Variants in UBASH3A observed in about 807,000 individuals in gnomAD.
UBASH3A encodes the protein ubiquitin-associated and SH3 domain-containing protein A.
In UBASH3A, 63 loss-of-function variants were observed where a neutral mutation model predicts 73.5. That is an observed-to-expected ratio of 0.86 (90% CI 0.70 to 1.06). UBASH3A has a LOEUF of 1.06. Among genes scored for constraint, UBASH3A ranks in the 50% least tolerant of loss-of-function variants. UBASH3A has a pLI of 0.00. For synonymous variants in UBASH3A, 363 were observed against 351.1 expected, an observed-to-expected ratio of 1.03 and a Z score of -0.38; for missense variants, 860 against 859.0, an observed-to-expected ratio of 1.00 and a Z score of -0.02.
chr21:42,439,300 C>T (rs1014705048), intron 11 of UBASH3A, among the ~76,000 whole-genome samples: 10 of 152,188 alleles, frequency 6.6e-5, no homozygotes, highest in East Asian at 1.9e-4. Context: ...CACTTTCTGC[C>T]CACCTCAGTC....
chr21:42,432,832 C>A (rs2053559244), intron 9 of UBASH3A, among the ~76,000 whole-genome samples: 1 of 152,180 alleles, frequency 6.6e-6, no homozygotes, highest in Non-Finnish European at 1.5e-5. Context: ...ACATCATGAT[C>A]AAGCATATTT....
At chr21:42,410,316 C>T in intron 3 of UBASH3A, 1 of 603,348 alleles carries the variant, frequency 1.7e-6, no homozygotes. Context: ...GAAGGGCACA[C>T]CCACTTCTGC....
At chr21:42,435,124 G>A (rs2053603034) in intron 10 of UBASH3A, 170 bp downstream of exon 10, 3 of 720,754 alleles carry the variant, frequency 4.2e-6, no homozygotes, top group African/African-American at 1.8e-5. Context: ...CTTGCCCAAG[G>A]TCACACAGCA....
intron 6 of UBASH3A, 150 bp downstream of exon 6, chr21:42,416,761 G>C: frequency 1.2e-6 from 1 of 805,478 alleles, no homozygotes; most frequent in Non-Finnish European, 1.7e-6. Context: ...GTGAAACCTC[G>C]TCTCTACTAA....
chr21:42,420,218 C>T (rs1156783735), intron 7 of UBASH3A, among the ~76,000 whole-genome samples: 3 of 152,066 alleles, frequency 2.0e-5, no homozygotes, highest in Non-Finnish European at 4.4e-5. Flanking sequence ...TCTCGAGTCC[C>T]CGATATAAAA....
rs757988374 is a variant in UBASH3A, at chr21:42,416,409, C to T, written c.668-33C>T. ...GAAGGAGACATTTAGGTAACGGTGT[C>T]CTGGCACCCTCTGTGTTTCCCTGAT... On this transcript the variant is annotated intron_variant, in intron 5 of 14. Transcript: ENST00000319294. 2.0e-5 allele frequency: 30 copies of T among 1,526,804 alleles called. No homozygotes were observed. The Admixed American group carries it at 4.3e-4, about 22-fold the overall frequency. 94.6% of individuals were successfully genotyped at this position (1,526,804 alleles called of 1,614,324 possible).
chr21:42,408,345 T>G (rs921081480), intron 2 of UBASH3A, among the ~76,000 whole-genome samples: 4 of 152,230 alleles, frequency 2.6e-5, no homozygotes, highest in Admixed American at 2.6e-4. Flanking sequence ...GTTATGGAGT[T>G]TTTCTTCTTT....
intron 12 of UBASH3A, 85 bp from the exon 13 acceptor site, chr21:42,443,227 T>C: frequency 6.8e-7 from 1 of 1,470,706 alleles, no homozygotes; most frequent in Non-Finnish European, 9.1e-7. Context: ...GGAAGAACGT[T>C]CTCCTTCCCC....
In UBASH3A at chr21:42,432,205, A is replaced by AG; in HGVS notation, c.1270+5dup. The AG allele has an allele frequency of 6.2e-7, 1 of 1,600,700 alleles. No individual in the cohort carries two copies. The highest frequency in any genetic ancestry group is 8.6e-7 in the Non-Finnish European group (1 of 1,168,368). On this transcript the variant is annotated splice_donor_region_variant and intron_variant, in intron 9 of 14. Transcript: ENST00000319294. Reference sequence around the variant, plus strand: ...GCAGCAATGCTCCACTCCTGATGGTAGGTCACACTCAGGCGGGTCTACGGA... The same window carrying AG: ...GCAGCAATGCTCCACTCCTGATGGTAGGGTCACACTCAGGCGGGTCTACGGA...
chr21:42,410,342 C>G (rs1231670108), intron 3 of UBASH3A: 3 of 590,574 alleles, frequency 5.1e-6, no homozygotes, highest in Admixed American at 5.9e-5. Context: ...CGGCCTGGCC[C>G]CAACTCTGCT....
chr21:42,404,713 G>A (rs2052934460), intron 1 of UBASH3A, among the ~76,000 whole-genome samples: 1 of 152,222 alleles, frequency 6.6e-6, no homozygotes, highest in South Asian at 2.1e-4. Context: ...CAGCAGGGCT[G>A]TGCTTCCACG....
intron 5 of UBASH3A, among the ~76,000 whole-genome samples, chr21:42,416,187 T>C (rs936849136): frequency 6.6e-6 from 1 of 152,052 alleles, no homozygotes; most frequent in African/African-American, 2.4e-5. Context: ...ATCTGAATCG[T>C]GCATTCGGGC....
intron 5 of UBASH3A, among the ~76,000 whole-genome samples, chr21:42,414,960 C>T (rs1358980987): frequency 6.6e-6 from 1 of 152,230 alleles, no homozygotes; most frequent in African/African-American, 2.4e-5. Flanking sequence ...GTTGACCTCA[C>T]ATCTACGCCC....
intron 11 of UBASH3A, among the ~76,000 whole-genome samples, chr21:42,440,302 A>T (rs1436682368): frequency 1.3e-5 from 2 of 152,200 alleles, no homozygotes; most frequent in African/African-American, 4.8e-5. Context: ...AGGGTCTCCG[A>T]GTATCTGGGG....
chr21:42,434,767 G>C, intron 9 of UBASH3A, 65 bp from the exon 10 acceptor site: 2 of 1,545,690 alleles, frequency 1.3e-6, no homozygotes, highest in South Asian at 2.4e-5. Context: ...GGTCTTGGGA[G>C]TTTTGTGGAA....
At position 42,427,890 on chromosome 21, in the gene UBASH3A, G is replaced by A. The variant is rs191507220; in HGVS notation, c.1170+1070G>A. Among the ~76,000 whole-genome samples the A allele has an allele frequency of 3.9e-5, 6 of 152,252 alleles. No individual in the cohort carries two copies. The East Asian group carries it at 1.2e-3, about 29-fold the overall frequency. ...AAGGTCAACGCTCACCCTCTGTTAC[G>A]GATTGAATTGTGTGCCTCCAAAATT... On this transcript the variant is annotated intron_variant, in intron 8 of 14. Coordinates refer to ENST00000319294, the MANE Select transcript of UBASH3A (RefSeq NM_018961.4).
rs1320018928 is a variant in UBASH3A at position 42,417,870 on chromosome 21, CTTTTTTTCTTTTTTTTTTT to C, written c.838-523_838-505del. Among the ~76,000 whole-genome samples the C allele has an allele frequency of 3.3e-5, 4 of 119,516 alleles. 1 individual carries two copies. Among genetic ancestry groups the C allele is most frequent in the East Asian group, 2.4e-4 (1 of 4,210 alleles). The allele number at this position is 119,516 out of a possible 152,430, so 78.4% of individuals were successfully genotyped here. On this transcript the variant is annotated intron_variant, in intron 6 of 14. Transcript: ENST00000319294. ...CCCAAAATGTATCTCTTTTTTTTTT[CTTTTTTTCTTTTTTTTTTT>C]TTTTTTTTTTTGAGAGGGAGTCTCA...
intron 12 of UBASH3A, 31 bp downstream of exon 12, chr21:42,442,627 G>T: frequency 6.4e-7 from 1 of 1,574,552 alleles, no homozygotes; most frequent in Non-Finnish European, 8.6e-7. Flanking sequence ...CTGCCACTGG[G>T]GCTTTTCCAG....
intron 10 of UBASH3A, among the ~76,000 whole-genome samples, chr21:42,436,445 T>A (rs1489056402): frequency 6.6e-6 from 1 of 152,164 alleles, no homozygotes; most frequent in Non-Finnish European, 1.5e-5. Flanking sequence ...CAGGTGACAT[T>A]TTCTGTCTTC....
Sources: gnomAD v4.1 joint callset for allele counts (sites outside exome capture counted in the v4.1 genomes callset) on GRCh38, gnomAD v4.1.1 for gene constraint, MANE v1.5 for transcripts, NCBI Gene and HGNC (gene_info 2026-07-23, HGNC 2026-07-21) for gene names.